TMEM87B: variants seen among roughly 807,000 people sequenced by gnomAD.
TMEM87B encodes the protein transmembrane protein 87B.
A neutral mutation model predicts 80.3 loss-of-function variants in TMEM87B; 83 were observed. The ratio of observed to expected loss-of-function variants is 1.03; its 90% CI spans 0.87 to 1.24. The LOEUF (loss-of-function observed/expected upper bound fraction) is 1.24, where lower values mean the gene tolerates loss of function less well. TMEM87B is among the 50% of genes most tolerant of loss of function. TMEM87B has a pLI of 0.00. For missense variants in TMEM87B, 625 were observed against 674.4 expected (o/e 0.93, Z 0.81); for synonymous variants, 219 against 230.5 (o/e 0.95, Z 0.45).
intron 1 of TMEM87B, among the ~76,000 whole-genome samples, chr2:112,058,696 T>C (rs886290928): frequency 2.0e-5 from 3 of 152,188 alleles, no homozygotes; most frequent in Admixed American, 1.3e-4. Context: ...GGCTGCTGTC[T>C]AAAGATGAAT....
At chr2:112,078,189 A>T (rs182108087) in intron 6 of TMEM87B, among the ~76,000 whole-genome samples, 1 of 152,162 alleles carries the variant, frequency 6.6e-6, no homozygotes, top group African/African-American at 2.4e-5. Flanking sequence ...TCTGTCACCT[A>T]TCTTAGTCTG....
intron 17 of TMEM87B, 85 bp downstream of exon 17, chr2:112,107,925 T>C: frequency 1.1e-6 from 1 of 895,720 alleles, no homozygotes; most frequent in Non-Finnish European, 1.7e-6. Flanking sequence ...CATGTGCTTT[T>C]CAAACCTCGT....
chr2:112,059,986 C>A lies in TMEM87B; in HGVS notation c.175C>A (p.Pro59Thr), dbSNP rs760242854. 3 of 1,593,126 alleles carry A rather than the reference C, an allele frequency of 1.9e-6. No individual in the cohort carries two copies. In the South Asian group the frequency reaches 3.3e-5, roughly 18 times the overall value. ...TTGTTTTTCATTTTAGAAATCAGGA[C>A]CTTTGATATTTAGGAAAACTATGTT... ...WLETVNDKSGPLIFRKTMFNS... is the reference protein window; with the variant it reads ...WLETVNDKSGTLIFRKTMFNS... Residue 59 changes from proline to threonine, a missense_variant, in exon 2 of 19, where the codon CCT becomes ACT. Transcript: ENST00000283206.
intron 7 of TMEM87B, 49 bp downstream of exon 7, chr2:112,081,167 C>A (rs769271439): frequency 1.9e-6 from 3 of 1,558,346 alleles, no homozygotes; most frequent in South Asian, 2.2e-5. Context: ...AATTTTATAC[C>A]CTAAGAGCTT....
At chr2:112,102,103 T>A (rs1454442752) in intron 15 of TMEM87B, among the ~76,000 whole-genome samples, 1 of 152,224 alleles carries the variant, frequency 6.6e-6, no homozygotes, top group Non-Finnish European at 1.5e-5. Context: ...AGAAATATTC[T>A]AATTTTACAC....
At chr2:112,077,057 G>T (rs941291823) in intron 5 of TMEM87B, 135 bp from the exon 6 acceptor site, 7 of 398,410 alleles carry the variant, frequency 1.8e-5, no homozygotes, top group Admixed American at 1.4e-4. Flanking sequence ...AAAAAAAAAA[G>T]GAAAAAATTA....
chr2:112,107,251 G>A (rs920294641), intron 16 of TMEM87B, among the ~76,000 whole-genome samples: 25 of 151,700 alleles, frequency 1.6e-4, no homozygotes, highest in Non-Finnish European at 3.4e-4. Flanking sequence ...CCAGCTACTC[G>A]GGAGGCTGAA....
At position 112,089,715 on chromosome 2, in the gene TMEM87B, T is replaced by C. The variant is rs368352110; in HGVS notation, c.1029T>C (p.Ile343=). 1.6e-5 allele frequency: 26 copies of C among 1,613,928 alleles called. No homozygotes were observed. Among genetic ancestry groups the C allele is most frequent in the Non-Finnish European group, 2.2e-5 (26 of 1,179,902 alleles). The change falls in exon 10 of 19, where the codon ATT becomes ATC. Residue 343 remains isoleucine (I), a synonymous_variant. Coordinates refer to ENST00000283206, the MANE Select transcript of TMEM87B (RefSeq NM_032824.3). The part of the protein sequence containing the change: ...FAAVEGVMRV[I]GGSNHLAVVL... ...CTGTTGAAGGCGTGATGAGAGTCAT[T>C]GGGGTAAAAACTACATTATTCTACC... is the stretch of plus-strand genomic sequence containing the variant.
At chr2:112,101,451 G>A (rs1225524211) in intron 15 of TMEM87B, among the ~76,000 whole-genome samples, 1 of 152,186 alleles carries the variant, frequency 6.6e-6, no homozygotes, top group Non-Finnish European at 1.5e-5. Flanking sequence ...CTTGAACAAT[G>A]TAGGGTTAGG....
At chr2:112,112,755 C>A (rs1288260623) in intron 17 of TMEM87B, 144 bp from the exon 18 acceptor site, 1 of 723,926 alleles carries the variant, frequency 1.4e-6, no homozygotes. Context: ...TGTCTGTCTG[C>A]GAGCCTAGAT....
chr2:112,094,726 G>T (rs979345297), intron 11 of TMEM87B, among the ~76,000 whole-genome samples: 3 of 152,116 alleles, frequency 2.0e-5, no homozygotes, highest in Non-Finnish European at 4.4e-5. Flanking sequence ...ATGTTTCAGG[G>T]AATAGTCAAA....
intron 4 of TMEM87B, among the ~76,000 whole-genome samples, chr2:112,073,802 G>C (rs1024514858): frequency 3.3e-5 from 5 of 152,194 alleles, no homozygotes; most frequent in Non-Finnish European, 7.4e-5. Context: ...ATATATTTAA[G>C]AGAGTTAAGT....
intron 15 of TMEM87B, among the ~76,000 whole-genome samples, chr2:112,104,306 T>C (rs1679707994): frequency 6.6e-6 from 1 of 152,198 alleles, no homozygotes; most frequent in African/African-American, 2.4e-5. Context: ...AGATAAAATA[T>C]TCTCAGTACA....
chr2:112,067,363 C>T (rs58122407), intron 4 of TMEM87B, among the ~76,000 whole-genome samples: 36,316 of 151,968 alleles, frequency 0.24, 5,714 homozygotes, highest in African/African-American at 0.44. Context: ...ATCCCAGCAC[C>T]TTGGGAGACT....
intron 11 of TMEM87B, among the ~76,000 whole-genome samples, chr2:112,095,051 A>G (rs72942014): frequency 0.053 from 8,062 of 151,544 alleles, 387 homozygotes; most frequent in African/African-American, 0.13. Flanking sequence ...AAGTCATAGG[A>G]AAAAAAATAG....
rs559269912 is a variant in TMEM87B at position 112,106,678 on chromosome 2, GACA to G, written c.1524+608_1524+610del. 1.6e-4 allele frequency among the ~76,000 whole-genome samples: 25 copies of G among 151,974 alleles called. No individual in the cohort carries two copies. The South Asian group carries it at 1.7e-3, about 10-fold the overall frequency. On this transcript the variant is annotated intron_variant, in intron 16 of 18. Coordinates refer to ENST00000283206, the MANE Select transcript of TMEM87B (RefSeq NM_032824.3). ...ATTTATGCATAAAAATGTTTTTGAA[GACA>G]ACAATGTAAAATGGAAATGTCTATC... is the stretch of plus-strand genomic sequence containing the variant.
intron 2 of TMEM87B, among the ~76,000 whole-genome samples, chr2:112,061,716 G>A (rs1015552126): frequency 6.6e-6 from 1 of 152,186 alleles, no homozygotes; most frequent in Non-Finnish European, 1.5e-5. Context: ...CATTACAAAT[G>A]CCTGAGATCA....
chr2:112,098,752 A>T, intron 14 of TMEM87B, 54 bp downstream of exon 14: 2 of 1,527,972 alleles, frequency 1.3e-6, no homozygotes, highest in South Asian at 2.2e-5. Flanking sequence ...CACCTTCTAT[A>T]GTGTCAAGAA....
chr2:112,067,283 AGTTT>A (rs1184506340), intron 4 of TMEM87B, among the ~76,000 whole-genome samples: 4 of 152,142 alleles, frequency 2.6e-5, no homozygotes, highest in Non-Finnish European at 4.4e-5. Flanking sequence ...TTTTAGGTTT[AGTTT>A]GTTTGTGTGT....
Sources: allele counts gnomAD v4.1 joint callset (sites outside exome capture counted in the v4.1 genomes callset), GRCh38; gene constraint gnomAD v4.1.1; transcripts MANE v1.5; gene names NCBI Gene and HGNC (gene_info 2026-07-23, HGNC 2026-07-21).